SLC35A1: variants seen among roughly 807,000 people sequenced by gnomAD.
SLC35A1 encodes solute carrier family 35 member A1, also known as CMP-sialic acid transporter.
In SLC35A1, 21 loss-of-function variants were observed where a neutral mutation model predicts 40.3. The ratio of observed to expected loss-of-function variants is 0.52; its 90% confidence interval spans 0.37 to 0.75. The LOEUF is 0.75. Among genes scored for constraint, SLC35A1 ranks in the 30% least tolerant of loss-of-function variants. The pLI is 0.00. For missense variants in SLC35A1, 297 were observed against 382.1 expected (o/e 0.78, Z 1.86); for synonymous variants, 146 against 147.3 (o/e 0.99, Z 0.06).
intron 7 of SLC35A1, among the ~76,000 whole-genome samples, chr6:87,510,709 T>C (rs1357825987): frequency 1.3e-5 from 2 of 151,972 alleles, no homozygotes; most frequent in Non-Finnish European, 2.9e-5. Context: ...ATCCTGTCTC[T>C]ACTAAAAATA....
chr6:87,493,038 T>G (rs1473265939), intron 2 of SLC35A1, among the ~76,000 whole-genome samples: 1 of 152,222 alleles, frequency 6.6e-6, no homozygotes, highest in Non-Finnish European at 1.5e-5. Flanking sequence ...AACTTCCTGA[T>G]ACTTCATCAT....
intron 1 of SLC35A1, among the ~76,000 whole-genome samples, chr6:87,475,171 C>A (rs779107272): frequency 6.6e-6 from 1 of 152,170 alleles, no homozygotes; most frequent in Admixed American, 6.5e-5. Flanking sequence ...AACAAATGAG[C>A]ATGGCTATGT....
At chr6:87,491,012 CTT>C (rs1285265497) in intron 2 of SLC35A1, among the ~76,000 whole-genome samples, 1 of 152,204 alleles carries the variant, frequency 6.6e-6, no homozygotes, top group African/African-American at 2.4e-5. Flanking sequence ...AGGAAACACT[CTT>C]TGATGTCCAG....
chr6:87,492,983 A>G (rs1769598441), intron 2 of SLC35A1, among the ~76,000 whole-genome samples: 2 of 152,090 alleles, frequency 1.3e-5, no homozygotes, highest in Admixed American at 1.3e-4. Flanking sequence ...TTCTCATCAC[A>G]CTTTCACCTA....
At chr6:87,497,738 T>C (rs1485652611) in intron 2 of SLC35A1, among the ~76,000 whole-genome samples, 1 of 152,108 alleles carries the variant, frequency 6.6e-6, no homozygotes, top group East Asian at 1.9e-4. Flanking sequence ...TTTTTTCTTT[T>C]TTTTAAAAGA....
intron 1 of SLC35A1, among the ~76,000 whole-genome samples, chr6:87,473,383 GTTC>G (rs780598357): frequency 1.4e-4 from 21 of 152,294 alleles, no homozygotes; most frequent in Non-Finnish European, 2.4e-4. Flanking sequence ...AGGCAGGACA[GTTC>G]TTCACCCTGG....
chr6:87,504,817 G>C (rs552355854), intron 4 of SLC35A1, among the ~76,000 whole-genome samples: 5 of 152,336 alleles, frequency 3.3e-5, no homozygotes, highest in African/African-American at 1.2e-4. Flanking sequence ...ATTTTTAGCA[G>C]TTGGAGCTTC....
chr6:87,482,122 A>G (rs1769261622), intron 2 of SLC35A1, among the ~76,000 whole-genome samples: 1 of 152,146 alleles, frequency 6.6e-6, no homozygotes, highest in Non-Finnish European at 1.5e-5. Context: ...GACTTTCGCA[A>G]TCTTCGACAG....
intron 7 of SLC35A1, 104 bp downstream of exon 7, chr6:87,509,279 G>C: frequency 7.1e-7 from 1 of 1,402,498 alleles, no homozygotes; most frequent in South Asian, 1.2e-5. Context: ...ACTGTTTACA[G>C]AAATTCCTAG....
chr6:87,501,740 T>C (rs960753755), intron 4 of SLC35A1, among the ~76,000 whole-genome samples: 1 of 152,346 alleles, frequency 6.6e-6, no homozygotes, highest in South Asian at 2.1e-4. Context: ...AGTTTTCATC[T>C]TCTCTCTCAA....
At chr6:87,493,344 ACCAGAAT>A (rs1347053852) in intron 2 of SLC35A1, among the ~76,000 whole-genome samples, 1 of 152,104 alleles carries the variant, frequency 6.6e-6, no homozygotes, top group Non-Finnish European at 1.5e-5. Context: ...GTATTTGGAA[ACCAGAAT>A]CTAGGCATTT....
intron 4 of SLC35A1, 45 bp from the exon 5 acceptor site, chr6:87,506,337 C>CT (rs537091356): frequency 1.0e-5 from 15 of 1,458,924 alleles, no homozygotes; most frequent in Non-Finnish European, 1.4e-5. Context: ...TGGATGAACT[C>CT]TGTTTATTAG....
At chr6:87,507,054 A>G (rs534340663) in intron 5 of SLC35A1, 1 of 152,814 alleles carries the variant, frequency 6.5e-6, no homozygotes. Context: ...ATGCATCAAG[A>G]TAAGAAAGTA....
At chr6:87,494,074 CT>C (rs71018023) in intron 2 of SLC35A1, among the ~76,000 whole-genome samples, 45,238 of 148,328 alleles carry the variant, frequency 0.3, 6,847 homozygotes, top group Admixed American at 0.4. Context: ...CCCCACTTTC[CT>C]TTTTTTTTTT....
chr6:87,476,382 T>G (rs1368240230), intron 1 of SLC35A1, among the ~76,000 whole-genome samples: 1 of 152,216 alleles, frequency 6.6e-6, no homozygotes, highest in African/African-American at 2.4e-5. Flanking sequence ...ATTGCTGCAG[T>G]TGGTTTCATG....
chr6:87,505,400 A>G (rs1582194197), intron 4 of SLC35A1, among the ~76,000 whole-genome samples: 1 of 152,310 alleles, frequency 6.6e-6, no homozygotes, highest in South Asian at 2.1e-4. Flanking sequence ...GTTAGGACCC[A>G]TATACTTGGA....
intron 2 of SLC35A1, among the ~76,000 whole-genome samples, chr6:87,492,957 G>A (rs1562022203): frequency 2.0e-5 from 3 of 152,250 alleles, no homozygotes; most frequent in South Asian, 2.1e-4. Context: ...ACTTTGAGAC[G>A]AGATAAATAT....
At chr6:87,503,247 G>A (rs530783788) in intron 4 of SLC35A1, among the ~76,000 whole-genome samples, 2 of 152,294 alleles carry the variant, frequency 1.3e-5, no homozygotes, top group African/African-American at 4.8e-5. Context: ...GTTCTGGCTT[G>A]AGGTTGCAGT....
At chr6:87,484,430 G>A (rs1769334314) in intron 2 of SLC35A1, among the ~76,000 whole-genome samples, 1 of 152,180 alleles carries the variant, frequency 6.6e-6, no homozygotes, top group Non-Finnish European at 1.5e-5. Flanking sequence ...AGTTGGAGCA[G>A]TGGTGAGCAC....
Sources: allele counts gnomAD v4.1 joint callset (sites outside exome capture counted in the v4.1 genomes callset), GRCh38; gene constraint gnomAD v4.1.1; transcripts MANE v1.5; gene names NCBI Gene and HGNC (gene_info 2026-07-23, HGNC 2026-07-21).